RASGRP3: variants seen among roughly 807,000 people sequenced by gnomAD.
RASGRP3 encodes the protein ras guanyl-releasing protein 3.
In RASGRP3, 54 loss-of-function variants were observed where a neutral mutation model predicts 82.7. The observed-to-expected ratio is 0.65, with a 90% CI of 0.52 to 0.82. RASGRP3 has a LOEUF of 0.82. RASGRP3 is among the 40% of genes least tolerant of loss of function. RASGRP3 has a pLI of 0.00. For missense variants in RASGRP3, 861 were observed against 828.9 expected (o/e 1.04, Z -0.48); for synonymous variants, 309 against 300.5 (o/e 1.03, Z -0.29).
intron 1 of RASGRP3, among the ~76,000 whole-genome samples, chr2:33,445,701 AC>A (rs1380873823): frequency 6.6e-6 from 1 of 151,848 alleles, no homozygotes; most frequent in African/African-American, 2.4e-5. Context: ...CTACATTAAT[AC>A]ATTATATCAT....
intron 1 of RASGRP3, among the ~76,000 whole-genome samples, chr2:33,439,719 G>A (rs186204420): frequency 5.9e-5 from 9 of 152,140 alleles, no homozygotes; most frequent in Admixed American, 2.6e-4. Flanking sequence ...GCAGCAGAGG[G>A]AATGAGCCTA....
upstream of RASGRP3, among the ~76,000 whole-genome samples, chr2:33,472,114 A>G (rs562685487): frequency 6.6e-6 from 1 of 152,250 alleles, no homozygotes; most frequent in East Asian, 1.9e-4. Flanking sequence ...TAGACAGAAG[A>G]TCCTTCTCTT....
intron 12 of RASGRP3, chr2:33,539,867 A>G (rs1264975471): frequency 1.3e-5 from 2 of 152,340 alleles, no homozygotes; most frequent in East Asian, 1.9e-4. Context: ...GGGCGCCTGC[A>G]GTCTCAGCTA....
chr2:33,447,365 C>T (rs1313687343), intron 1 of RASGRP3, among the ~76,000 whole-genome samples: 1 of 152,070 alleles, frequency 6.6e-6, no homozygotes, highest in Non-Finnish European at 1.5e-5. Flanking sequence ...AATGGAGGCC[C>T]TCTGACAAAG....
intron 2 of RASGRP3, among the ~76,000 whole-genome samples, chr2:33,469,547 C>T (rs986843154): frequency 6.6e-6 from 1 of 151,770 alleles, no homozygotes; most frequent in Non-Finnish European, 1.5e-5. Context: ...GCAACCTCCA[C>T]CTCCTGGGCT....
intron 2 of RASGRP3, among the ~76,000 whole-genome samples, chr2:33,450,271 G>A (rs1480425754): frequency 6.6e-6 from 1 of 151,974 alleles, no homozygotes; most frequent in Non-Finnish European, 1.5e-5. Flanking sequence ...TATCCTCTTA[G>A]CAATTTTCAA....
intron 2 of RASGRP3, among the ~76,000 whole-genome samples, chr2:33,462,672 C>A (rs1021423747): frequency 2.6e-5 from 4 of 152,316 alleles, no homozygotes; most frequent in Admixed American, 2.6e-4. Flanking sequence ...GCCACTGCGC[C>A]GGCCAGATGT....
chr2:33,532,949 A>C (rs74398501), intron 10 of RASGRP3: 1 of 152,322 alleles, frequency 6.6e-6, no homozygotes, highest in East Asian at 1.9e-4. Flanking sequence ...CAGGAAAAGG[A>C]ATCTTTGAAA....
At chr2:33,559,734 G>A (rs12478742) in intron 17 of RASGRP3, 54,975 of 458,162 alleles carry the variant, frequency 0.12, 3,571 homozygotes, top group African/African-American at 0.18. Flanking sequence ...TGTCATGGAG[G>A]ACAGCCATTG....
intron 6 of RASGRP3, among the ~76,000 whole-genome samples, chr2:33,521,250 T>G (rs1452457978): frequency 1.3e-5 from 2 of 152,184 alleles, no homozygotes; most frequent in Non-Finnish European, 2.9e-5. Context: ...GCTGGTTAGC[T>G]CAGTTATTAG....
In RASGRP3 at chr2:33,524,455, T is replaced by C. The variant is rs772115121; in HGVS notation, c.714T>C (p.Phe238=). The part of the protein sequence containing the change: ...VAKKLLQLKN[F]NTLMAVVGGL... Reference sequence around the variant, plus strand: ...AGAAGCTCCTTCAGCTCAAAAATTTTAACACCCTGATGGCAGTGGTGGGAG... The same window carrying C: ...AGAAGCTCCTTCAGCTCAAAAATTTCAACACCCTGATGGCAGTGGTGGGAG... Residue 238 remains phenylalanine, a synonymous_variant, in exon 9 of 18, where the codon TTT becomes TTC. Transcript: ENST00000403687. 5.0e-6 allele frequency: 8 copies of C among 1,600,740 alleles called. No individual in the cohort carries two copies. In the Admixed American group the frequency reaches 1.2e-4, roughly 24 times the overall value.
intron 2 of RASGRP3, among the ~76,000 whole-genome samples, chr2:33,454,075 C>T (rs1320534901): frequency 6.6e-6 from 1 of 151,634 alleles, no homozygotes; most frequent in Non-Finnish European, 1.5e-5. Context: ...AAAAGCCATA[C>T]ATAGTCCAGA....
intron 1 of RASGRP3, among the ~76,000 whole-genome samples, chr2:33,479,530 C>G (rs1667695897): frequency 6.6e-6 from 1 of 152,158 alleles, no homozygotes; most frequent in South Asian, 2.1e-4. Context: ...TGAATAGAAA[C>G]CATGCACTCT....
chr2:33,502,360 C>T (rs555913366), intron 1 of RASGRP3, among the ~76,000 whole-genome samples: 1 of 152,214 alleles, frequency 6.6e-6, no homozygotes, highest in Admixed American at 6.5e-5. Context: ...AATTAGTTCA[C>T]TCTGGGCTTC....
At chr2:33,444,779 G>C (rs1665416573) in intron 1 of RASGRP3, among the ~76,000 whole-genome samples, 1 of 152,222 alleles carries the variant, frequency 6.6e-6, no homozygotes, top group South Asian at 2.1e-4. Context: ...CCTCAGTTGA[G>C]AATTAGGGCA....
chr2:33,556,883 C>G (rs1676027569), intron 15 of RASGRP3, among the ~76,000 whole-genome samples: 1 of 76,906 alleles, frequency 1.3e-5, no homozygotes, highest in Admixed American at 1.7e-4. Flanking sequence ...ATCCTCATAC[C>G]CTAAAATACA....
In RASGRP3 at chr2:33,549,709, G is replaced by T. The variant is rs376375359; in HGVS notation, c.1500G>T (p.Met500Ile). The change falls in exon 14 of 18, where the codon ATG becomes ATT. Residue 500 changes from methionine to isoleucine, a missense_variant. Met to Ile is a conservative substitution (Grantham distance 10). Transcript: ENST00000403687. The part of the protein sequence containing the change: ...GPGFIHNFQE[M>I]TYLKPTFCEH... ...GATTTATCCATAATTTTCAGGAGAT[G>T]ACCTATCTCAAGCCAACCTTCTGCG... 13 of 1,613,880 alleles carry T rather than the reference G, an allele frequency of 8.1e-6. No homozygotes were observed. The African/African-American group carries it at 1.3e-4, about 17-fold the overall frequency.
intron 1 of RASGRP3, among the ~76,000 whole-genome samples, chr2:33,436,927 C>A (rs982506845): frequency 4.6e-5 from 7 of 152,028 alleles, no homozygotes; most frequent in African/African-American, 1.4e-4. Flanking sequence ...CTGCCCTTTT[C>A]AAATTGCTGA....
At chr2:33,528,211 A>T (rs1184455849) in intron 10 of RASGRP3, among the ~76,000 whole-genome samples, 1 of 152,248 alleles carries the variant, frequency 6.6e-6, no homozygotes, top group African/African-American at 2.4e-5. Flanking sequence ...TATCTGCCTT[A>T]CATATCATAT....
Sources: allele counts gnomAD v4.1 joint callset (sites outside exome capture counted in the v4.1 genomes callset), GRCh38; gene constraint gnomAD v4.1.1; transcripts MANE v1.5; gene names NCBI Gene and HGNC (gene_info 2026-07-23, HGNC 2026-07-21).